The following SGO1 variants were observed in gnomAD, a reference collection of about 807,000 sequenced individuals.
SGO1 encodes the protein serologically defined breast cancer antigen NY-BR-85.
Under a neutral mutation model 50.5 loss-of-function variants are expected in SGO1, and 39 were observed. The observed-to-expected ratio is 0.77, with a 90% CI of 0.60 to 1.01. The LOEUF (loss-of-function observed/expected upper bound fraction) is 1.01, where lower values mean the gene tolerates loss of function less well. Ranked by LOEUF, SGO1 falls within the 50% of genes least tolerant of loss-of-function variation. SGO1 has a pLI of 0.00. For synonymous variants in SGO1, 191 were observed against 205.1 expected (o/e 0.93, Z 0.59); for missense variants, 638 against 606.0 (o/e 1.05, Z -0.55).
At chr3:20,182,105 AC>A (rs1017414960) in intron 3 of SGO1, among the ~76,000 whole-genome samples, 2 of 152,082 alleles carry the variant, frequency 1.3e-5, no homozygotes, top group Admixed American at 6.6e-5. Flanking sequence ...AGAAAAAAAA[AC>A]ATAAAGTTCC....
intron 6 of SGO1, among the ~76,000 whole-genome samples, chr3:20,173,583 G>C (rs1342330730): frequency 6.6e-6 from 1 of 152,182 alleles, no homozygotes; most frequent in Admixed American, 6.5e-5. Context: ...ATTGTTCTGA[G>C]GATCAAATAA....
chr3:20,181,823 G>A (rs1702046963), intron 3 of SGO1, among the ~76,000 whole-genome samples: 1 of 152,168 alleles, frequency 6.6e-6, no homozygotes, highest in African/African-American at 2.4e-5. Flanking sequence ...AGTGGCTCAT[G>A]CCTGTAATCC....
At position 20,180,697 on chromosome 3, in the gene SGO1, T is replaced by G. The variant is rs566913115; in HGVS notation, c.340-2350A>C. On this transcript the variant is annotated intron_variant, in intron 3 of 7. Coordinates refer to ENST00000412997, the MANE Select transcript of SGO1 (RefSeq NM_001199251.3). ...GATTTGCAGATCTCTGTTATGAAGA[T>G]GACAATTCTCACTCAATTCCTAAGA... 9.8e-5 allele frequency among the ~76,000 whole-genome samples: 15 copies of G among 152,358 alleles called. No homozygotes were observed. The South Asian group carries it at 3.1e-3, about 32-fold the overall frequency.
Position 20,177,877 on chromosome 3 carries a change from T to TTTTATTTATTTATTTA in SGO1, c.416+378_416+393dup, listed in dbSNP as rs10662477. 1.1e-3 allele frequency among the ~76,000 whole-genome samples: 172 copies of TTTTATTTATTTATTTA among 151,162 alleles called. 1 individual carries two copies. The highest frequency in any genetic ancestry group is 3.4e-3 in the Middle Eastern group (1 of 292). On this transcript the variant is annotated intron_variant, in intron 4 of 7. Transcript: ENST00000412997. ...TGGGACAACTGTGTTAAATATGATA[T>TTTTATTTATTTATTTA]TTTATTTATTTATTTATTTATTTAT...
intron 3 of SGO1, among the ~76,000 whole-genome samples, chr3:20,179,379 A>G (rs1318514394): frequency 6.6e-6 from 1 of 152,192 alleles, no homozygotes; most frequent in African/African-American, 2.4e-5. Context: ...GCAGACAGAC[A>G]GTACATAAAG....
downstream of SGO1, among the ~76,000 whole-genome samples, chr3:20,168,744 G>A (rs1034154870): frequency 4.6e-5 from 7 of 151,048 alleles, no homozygotes; most frequent in South Asian, 8.3e-4. Context: ...CCGGGTTCAC[G>A]CCGTTCTCCT....
chr3:20,182,608 G>A (rs1242891918), intron 3 of SGO1, among the ~76,000 whole-genome samples: 1 of 152,150 alleles, frequency 6.6e-6, no homozygotes, highest in African/African-American at 2.4e-5. Flanking sequence ...ATACACAATG[G>A]TATAGCCAGA....
intron 8 of SGO1, among the ~76,000 whole-genome samples, chr3:20,163,882 A>C (rs533005164): frequency 2.6e-5 from 4 of 152,346 alleles, no homozygotes; most frequent in African/African-American, 9.6e-5. Flanking sequence ...CAAATTAGCA[A>C]AACTGTCTAA....
chr3:20,177,327 C>T (rs1045944769), intron 4 of SGO1: 7 of 117,962 alleles, frequency 5.9e-5, no homozygotes, highest in Admixed American at 5.9e-4. Context: ...TACCTTTTGC[C>T]CACAACAGAT....
upstream of SGO1, chr3:20,186,294 TC>T (rs1265780602): frequency 6.6e-6 from 1 of 152,028 alleles, no homozygotes; most frequent in African/African-American, 2.4e-5. Context: ...GCAGGCAGAG[TC>T]CCGCCCCGCC....
At chr3:20,164,464 C>T (rs371421687) in intron 8 of SGO1, among the ~76,000 whole-genome samples, 43 of 152,148 alleles carry the variant, frequency 2.8e-4, no homozygotes, top group African/African-American at 1.0e-3. Context: ...TTAGTGATCA[C>T]TTACAGCTAA....
At chr3:20,166,584 G>C (rs1011261176), downstream of SGO1, among the ~76,000 whole-genome samples, 1 of 152,054 alleles carries the variant, frequency 6.6e-6, no homozygotes, top group Admixed American at 6.6e-5. Context: ...GGAGAGAGGG[G>C]AGAAGAGAGA....
chr3:20,163,143 AAAAG>A (rs1298190316), intron 8 of SGO1, among the ~76,000 whole-genome samples: 7 of 152,126 alleles, frequency 4.6e-5, no homozygotes, highest in Non-Finnish European at 8.8e-5. Flanking sequence ...GAATGAATAA[AAAAG>A]AGAGAAATCA....
In SGO1 at chr3:20,175,043, G is replaced by A; in HGVS notation, c.488C>T (p.Thr163Ile). The A allele has an allele frequency of 6.6e-7, 1 of 1,520,322 alleles. No individual in the cohort carries two copies. The highest frequency in any genetic ancestry group is 8.8e-7 in the Non-Finnish European group (1 of 1,132,720). The allele number at this position is 1,520,322 out of a possible 1,614,324, so 94.2% of individuals were successfully genotyped here. ...AACTCCCAGTGTGTCTTGAGGAATA[G>A]TAGGTATCTGATCTGAGAATTTAAA... ...ESFQIEDQIP[T>I]IPQDTLGVDF... The change falls in exon 6 of 8, where the codon ACT becomes ATT. Residue 163 changes from threonine (T) to isoleucine (I), a missense_variant. Thr to Ile is a moderately conservative substitution (Grantham distance 89). Transcript: ENST00000412997.
intron 7 of SGO1, 72 bp from the exon 8 acceptor site, chr3:20,170,887 T>C: frequency 6.5e-7 from 1 of 1,532,748 alleles, no homozygotes; most frequent in Non-Finnish European, 8.8e-7. Context: ...CCTACCAAGT[T>C]ATGGTAAAAC....
intron 1 of SGO1, among the ~76,000 whole-genome samples, chr3:20,184,385 C>T (rs1308749583): frequency 2.6e-5 from 4 of 152,128 alleles, no homozygotes; most frequent in African/African-American, 9.7e-5. Flanking sequence ...GCATTATTTA[C>T]ACTTTTTATA....
chr3:20,169,370 C>G (rs541733138), downstream of SGO1: 81 of 984,702 alleles, frequency 8.2e-5, 1 homozygote, highest in African/African-American at 2.4e-4. Flanking sequence ...AACACCCCCC[C>G]CTCAAAAAAG....
At chr3:20,162,827 G>GA (rs1700109630) in intron 8 of SGO1, among the ~76,000 whole-genome samples, 1 of 150,650 alleles carries the variant, frequency 6.6e-6, no homozygotes, top group Admixed American at 6.6e-5. Context: ...TATCATGACA[G>GA]AAAAAATACA....
At chr3:20,165,431 A>T (rs1413491389), downstream of SGO1, among the ~76,000 whole-genome samples, 2 of 152,240 alleles carry the variant, frequency 1.3e-5, no homozygotes, top group Admixed American at 1.3e-4. Flanking sequence ...AAAGCAAAAA[A>T]AATCAATAAA....
Sources: gnomAD v4.1 joint callset for allele counts (sites outside exome capture counted in the v4.1 genomes callset) on GRCh38, gnomAD v4.1.1 for gene constraint, MANE v1.5 for transcripts, NCBI Gene and HGNC (gene_info 2026-07-23, HGNC 2026-07-21) for gene names.